NDST3: variants seen among roughly 807,000 people sequenced by gnomAD.
NDST3 encodes N-deacetylase and N-sulfotransferase 3.
A neutral mutation model predicts 96.1 loss-of-function variants in NDST3; 58 were observed. The ratio of observed to expected loss-of-function variants is 0.60; its 90% CI spans 0.49 to 0.75. NDST3 has a LOEUF of 0.75. Among genes scored for constraint, NDST3 ranks in the 30% least tolerant of loss-of-function variants. The pLI is 0.00. For missense variants in NDST3, 788 were observed against 1,034.2 expected (o/e 0.76, Z 3.27); for synonymous variants, 333 against 359.7 (o/e 0.93, Z 0.84).
At chr4:118,184,718 T>C (rs1339610920) in intron 6 of NDST3, among the ~76,000 whole-genome samples, 1 of 152,006 alleles carries the variant, frequency 6.6e-6, no homozygotes, top group Non-Finnish European at 1.5e-5. Flanking sequence ...CAATATGCAA[T>C]ATTAAGTATA....
intron 4 of NDST3, among the ~76,000 whole-genome samples, chr4:118,128,059 G>A (rs1167057873): frequency 6.6e-6 from 1 of 151,874 alleles, no homozygotes; most frequent in Admixed American, 6.6e-5. Flanking sequence ...TACTGAATTT[G>A]TTTATCAGTT....
At chr4:118,096,094 G>T (rs1320042643) in intron 2 of NDST3, among the ~76,000 whole-genome samples, 1 of 151,880 alleles carries the variant, frequency 6.6e-6, no homozygotes, top group Non-Finnish European at 1.5e-5. Flanking sequence ...CCTAGAAGAA[G>T]AATTGCTAGA....
rs759008684 is a variant in NDST3, at chr4:118,054,389, G to T, written c.479G>T (p.Gly160Val). Reference sequence around the variant, plus strand: ...AAATACTGTGTAGAATATGGTGTGGGTGTCATTGGATTCCACAAAACTAGT... The same window carrying T: ...AAATACTGTGTAGAATATGGTGTGGTTGTCATTGGATTCCACAAAACTAGT... Reference protein sequence around the residue: ...LDKYCVEYGVGVIGFHKTSEK... With the variant: ...LDKYCVEYGVVVIGFHKTSEK... Residue 160 changes from glycine to valine, a missense_variant, in exon 2 of 14, where the codon GGT becomes GTT. Physicochemically the swap from Gly to Val is moderately radical, Grantham distance 109 (BLOSUM62 -3). This residue lies in a region of NDST3 where 234 missense variants were observed against 256.9 expected (regional missense o/e 0.91). Transcript: ENST00000296499. 3 of 1,613,016 alleles carry T rather than the reference G, an allele frequency of 1.9e-6. No individual in the cohort carries two copies. The highest frequency in any genetic ancestry group is 3.3e-5 in the Admixed American group (2 of 59,816).
intron 13 of NDST3, 98 bp from the exon 14 acceptor site, chr4:118,255,495 C>T: frequency 8.1e-7 from 1 of 1,239,616 alleles, no homozygotes; most frequent in Non-Finnish European, 1.1e-6. Context: ...AATTTTAATC[C>T]AGATCTGGTA....
Position 118,178,618 on chromosome 4 carries a change from T to C in NDST3, c.1539+34934T>C, listed in dbSNP as rs181670820. Among the ~76,000 whole-genome samples the C allele has an allele frequency of 2.6e-5, 4 of 152,194 alleles. No homozygotes were observed. The East Asian group carries it at 7.7e-4, about 29-fold the overall frequency. On this transcript the variant is annotated intron_variant, in intron 6 of 13. Coordinates refer to ENST00000296499, the MANE Select transcript of NDST3 (RefSeq NM_004784.3). ...TTAAATTGCTTCCACCTTGTGGCCATTGTGAATAAAAGCTGCAGTGAACAT... is the reference window on the plus strand; with the variant it reads ...TTAAATTGCTTCCACCTTGTGGCCACTGTGAATAAAAGCTGCAGTGAACAT...
At chr4:118,210,010 T>C (rs1738682122) in intron 6 of NDST3, among the ~76,000 whole-genome samples, 2 of 151,988 alleles carry the variant, frequency 1.3e-5, no homozygotes, top group South Asian at 4.1e-4. Context: ...TGAAAGATAA[T>C]AGACACCAAA....
At chr4:118,068,745 AT>A (rs1726804664) in intron 2 of NDST3, among the ~76,000 whole-genome samples, 1 of 152,088 alleles carries the variant, frequency 6.6e-6, no homozygotes. Context: ...CCTGGGTCCT[AT>A]TATTTTTTCC....
At chr4:118,059,792 A>T (rs1725747942) in intron 2 of NDST3, among the ~76,000 whole-genome samples, 1 of 152,194 alleles carries the variant, frequency 6.6e-6, no homozygotes, top group Non-Finnish European at 1.5e-5. Flanking sequence ...CAGACAGTTC[A>T]CTATTCATGT....
At chr4:118,119,137 C>T (rs1379571846) in intron 4 of NDST3, among the ~76,000 whole-genome samples, 1 of 152,132 alleles carries the variant, frequency 6.6e-6, no homozygotes. Flanking sequence ...CATCATCATT[C>T]TTTTAAATGG....
intron 1 of NDST3, among the ~76,000 whole-genome samples, chr4:118,052,692 T>C (rs1725147783): frequency 6.6e-6 from 1 of 151,972 alleles, no homozygotes; most frequent in East Asian, 1.9e-4. Context: ...CAGAGATATA[T>C]ACACAGTTTG....
chr4:118,039,455 A>T (rs1269901196), intron 1 of NDST3, among the ~76,000 whole-genome samples: 2 of 152,240 alleles, frequency 1.3e-5, no homozygotes, highest in Non-Finnish European at 2.9e-5. Flanking sequence ...TCTCACTTCA[A>T]GTACTCTATT....
intron 4 of NDST3, among the ~76,000 whole-genome samples, chr4:118,129,348 G>A (rs1560664130): frequency 6.6e-6 from 1 of 151,756 alleles, no homozygotes; most frequent in Non-Finnish European, 1.5e-5. Flanking sequence ...TCTTAGTGCT[G>A]TTTTTGCTGT....
At chr4:118,255,541 G>A (rs1337591806) in intron 13 of NDST3, 52 bp from the exon 14 acceptor site, 17 of 1,539,482 alleles carry the variant, frequency 1.1e-5, no homozygotes, top group Non-Finnish European at 1.4e-5. Flanking sequence ...CAAAGTGTAT[G>A]AAATGTAATA....
chr4:118,146,374 T>TGTTTCAGC (rs1251758743), intron 6 of NDST3, among the ~76,000 whole-genome samples: 1 of 152,190 alleles, frequency 6.6e-6, no homozygotes, highest in African/African-American at 2.4e-5. Context: ...CTTAAATACA[T>TGTTTCAGC]TCACATACAT....
At chr4:118,228,311 A>C (rs1740040902) in intron 8 of NDST3, among the ~76,000 whole-genome samples, 1 of 152,186 alleles carries the variant, frequency 6.6e-6, no homozygotes, top group African/African-American at 2.4e-5. Flanking sequence ...TCTTCAGTGA[A>C]CTCCCAGTCA....
chr4:118,066,344 A>G lies in NDST3; in HGVS notation c.981+11453A>G, dbSNP rs1726451239. On this transcript the variant is annotated intron_variant, in intron 2 of 13. Coordinates refer to ENST00000296499, the MANE Select transcript of NDST3 (RefSeq NM_004784.3). ...ATATATTATGTATTATATATATTATATATCATATATCATATGTTATATATT... is the reference window on the plus strand; with the variant it reads ...ATATATTATGTATTATATATATTATGTATCATATATCATATGTTATATATT... Among the ~76,000 whole-genome samples the G allele has an allele frequency of 4.0e-5, 2 of 50,198 alleles. 1 individual carries two copies. Among genetic ancestry groups the G allele is most frequent in the African/African-American group, 1.8e-4 (2 of 11,342 alleles). The allele number at this position is 50,198 out of a possible 152,430, so 32.9% of individuals were successfully genotyped here.
rs1738344495 is a variant in NDST3, at chr4:118,205,026, A to T, written c.1540-19465A>T. 1.4e-5 allele frequency among the ~76,000 whole-genome samples: 2 copies of T among 144,604 alleles called. 1 individual carries two copies. Among genetic ancestry groups the T allele is most frequent in the South Asian group, 4.6e-4 (2 of 4,350 alleles). The allele number at this position is 144,604 out of a possible 152,430, so 94.9% of individuals were successfully genotyped here. A position where few individuals can be genotyped will look rare whatever the true frequency, so the allele number is the denominator to read the frequency against. On this transcript the variant is annotated intron_variant, in intron 6 of 13. Coordinates refer to ENST00000296499, the MANE Select transcript of NDST3 (RefSeq NM_004784.3). ...TTTACTTCATTTTATGTTAACTCTA[A>T]AAAACTGTTAATTGTGGAGTTTTTA...
At chr4:118,252,894 A>G (rs1741845309) in intron 12 of NDST3, among the ~76,000 whole-genome samples, 2 of 152,232 alleles carry the variant, frequency 1.3e-5, no homozygotes, top group Non-Finnish European at 2.9e-5. Context: ...TCCTTCTCAA[A>G]AAAGAGAAAG....
intron 2 of NDST3, among the ~76,000 whole-genome samples, chr4:118,078,779 C>T (rs1337669127): frequency 6.6e-6 from 1 of 151,246 alleles, no homozygotes; most frequent in Non-Finnish European, 1.5e-5. Context: ...GTCCAAATCT[C>T]AAGTCTGCCC....
Sources: allele counts gnomAD v4.1 joint callset (sites outside exome capture counted in the v4.1 genomes callset), GRCh38; gene constraint gnomAD v4.1.1; regional missense constraint gnomAD v4.1.1; transcripts MANE v1.5; gene names NCBI Gene and HGNC (gene_info 2026-07-23, HGNC 2026-07-21).